PAPPA2: variants seen among roughly 807,000 people sequenced by gnomAD.
PAPPA2 encodes pappalysin 2.
A neutral mutation model predicts 176.4 loss-of-function variants in PAPPA2; 86 were observed. That is an observed-to-expected ratio of 0.49 (90% confidence interval 0.41 to 0.58). The LOEUF (loss-of-function observed/expected upper bound fraction) is 0.58. PAPPA2 is among the 20% of genes least tolerant of loss of function. PAPPA2 has a pLI of 0.00. For missense variants in PAPPA2, 2,073 were observed against 2,256.9 expected, an observed-to-expected ratio of 0.92 and a Z score of 1.65; for synonymous variants, 809 against 852.2, an observed-to-expected ratio of 0.95 and a Z score of 0.88.
At chr1:176,570,495 A>G (rs1477987644) in intron 2 of PAPPA2, among the ~76,000 whole-genome samples, 1 of 152,194 alleles carries the variant, frequency 6.6e-6, no homozygotes, top group Non-Finnish European at 1.5e-5. Context: ...GCAGAGCTCT[A>G]TTTTAGACAT....
intron 12 of PAPPA2, among the ~76,000 whole-genome samples, chr1:176,716,961 C>T (rs1301639065): frequency 6.6e-6 from 1 of 152,072 alleles, no homozygotes; most frequent in Admixed American, 6.6e-5. Context: ...CAACCCATCC[C>T]CTCTTCTGAC....
chr1:176,742,140 CTTG>C (rs751043133), intron 14 of PAPPA2, among the ~76,000 whole-genome samples: 37 of 152,330 alleles, frequency 2.4e-4, no homozygotes, highest in Non-Finnish European at 4.3e-4. Context: ...TATTTATTTA[CTTG>C]TTGTTCTTTC....
At chr1:176,756,881 C>T (rs916582013) in intron 14 of PAPPA2, among the ~76,000 whole-genome samples, 14 of 152,252 alleles carry the variant, frequency 9.2e-5, no homozygotes, top group South Asian at 4.1e-4. Flanking sequence ...CAAAAGGCCC[C>T]GGTGTGTGAT....
chr1:176,600,711 A>G (rs1307181527), intron 3 of PAPPA2, among the ~76,000 whole-genome samples: 1 of 151,186 alleles, frequency 6.6e-6, no homozygotes, highest in Non-Finnish European at 1.5e-5. Flanking sequence ...ACAGAGCTCA[A>G]GCTCACAATT....
chr1:176,735,494 G>A (rs182910487), intron 12 of PAPPA2, among the ~76,000 whole-genome samples: 1 of 152,192 alleles, frequency 6.6e-6, no homozygotes, highest in Non-Finnish European at 1.5e-5. Flanking sequence ...AGCATATTGA[G>A]TGTGTCTGTG....
intron 3 of PAPPA2, among the ~76,000 whole-genome samples, chr1:176,650,398 T>G (rs1215722663): frequency 1.3e-5 from 2 of 151,022 alleles, no homozygotes; most frequent in East Asian, 3.9e-4. Context: ...TATTTCTTTT[T>G]ATTTATTTAT....
At chr1:176,687,930 A>G (rs1195308442) in intron 4 of PAPPA2, among the ~76,000 whole-genome samples, 1 of 152,180 alleles carries the variant, frequency 6.6e-6, no homozygotes, top group African/African-American at 2.4e-5. Context: ...ACTCTCATAT[A>G]CATTATGGAT....
At chr1:176,595,702 C>A in intron 3 of PAPPA2, 107 bp downstream of exon 3, 2 of 1,054,846 alleles carry the variant, frequency 1.9e-6, no homozygotes, top group Non-Finnish European at 2.7e-6. Flanking sequence ...CTGAATAAGA[C>A]ATTAATCCAC....
chr1:176,610,523 A>G (rs1179648944), intron 3 of PAPPA2, among the ~76,000 whole-genome samples: 1 of 152,192 alleles, frequency 6.6e-6, no homozygotes, highest in Non-Finnish European at 1.5e-5. Flanking sequence ...AATATCTCAC[A>G]GTCTTGGGCT....
intron 1 of PAPPA2, among the ~76,000 whole-genome samples, chr1:176,517,542 G>C (rs537428304): frequency 6.6e-6 from 1 of 152,268 alleles, no homozygotes; most frequent in African/African-American, 2.4e-5. Flanking sequence ...TCAGGCAGGA[G>C]GTGTTTAGGG....
At chr1:176,684,016 A>G (rs1232491588) in intron 4 of PAPPA2, among the ~76,000 whole-genome samples, 1 of 152,120 alleles carries the variant, frequency 6.6e-6, no homozygotes, top group Non-Finnish European at 1.5e-5. Context: ...TGTTGGTAGT[A>G]TGAGAGCAAG....
intron 6 of PAPPA2, among the ~76,000 whole-genome samples, chr1:176,695,232 T>TG (rs1660316209): frequency 6.6e-6 from 1 of 152,198 alleles, no homozygotes; most frequent in Non-Finnish European, 1.5e-5. Flanking sequence ...CCAAGGGCAA[T>TG]GGTGAGCCAA....
intron 21 of PAPPA2, among the ~76,000 whole-genome samples, chr1:176,835,701 T>C (rs544504839): frequency 1.3e-5 from 2 of 152,294 alleles, no homozygotes; most frequent in East Asian, 3.9e-4. Flanking sequence ...GTATTTTTAG[T>C]AGAGAGGGAT....
intron 21 of PAPPA2, among the ~76,000 whole-genome samples, chr1:176,822,222 C>T (rs191492633): frequency 6.6e-6 from 1 of 152,306 alleles, no homozygotes; most frequent in Admixed American, 6.5e-5. Context: ...CTTTCGATTA[C>T]TCCCTGGGTG....
chr1:176,614,501 C>T (rs1255650287), intron 3 of PAPPA2, among the ~76,000 whole-genome samples: 1 of 152,140 alleles, frequency 6.6e-6, no homozygotes, highest in African/African-American at 2.4e-5. Flanking sequence ...TTCTTAATTT[C>T]CTCCCTGTCA....
At chr1:176,658,341 A>G (rs1658140324) in intron 3 of PAPPA2, among the ~76,000 whole-genome samples, 1 of 152,012 alleles carries the variant, frequency 6.6e-6, no homozygotes, top group South Asian at 2.1e-4. Flanking sequence ...TCAGAAATAA[A>G]CAATCTGTTC....
chr1:176,791,638 C>G (rs1021546832), intron 19 of PAPPA2, among the ~76,000 whole-genome samples, 156 bp downstream of exon 19: 5 of 152,102 alleles, frequency 3.3e-5, no homozygotes, highest in African/African-American at 7.2e-5. Flanking sequence ...ACTGCAACCT[C>G]CATTTCCCGG....
chr1:176,584,920 A>C (rs564424734), intron 2 of PAPPA2, among the ~76,000 whole-genome samples: 55 of 152,104 alleles, frequency 3.6e-4, no homozygotes, highest in African/African-American at 1.2e-3. Flanking sequence ...TTTGTATTTT[A>C]GTAGAGATGG....
chr1:176,601,063 G>C (rs1654294465), intron 3 of PAPPA2, among the ~76,000 whole-genome samples: 1 of 152,186 alleles, frequency 6.6e-6, no homozygotes, highest in Non-Finnish European at 1.5e-5. Context: ...ACAGTGTTGA[G>C]AGGTGAAAAT....
Sources: gnomAD v4.1 joint callset for allele counts (sites outside exome capture counted in the v4.1 genomes callset) on GRCh38, gnomAD v4.1.1 for gene constraint, MANE v1.5 for transcripts, NCBI Gene and HGNC (gene_info 2026-07-23, HGNC 2026-07-21) for gene names.